Variants in SLC45A4 observed in about 807,000 individuals in gnomAD.
SLC45A4 encodes the protein polyamine-transporter SLC45A4.
A neutral mutation model predicts 63.7 loss-of-function variants in SLC45A4; 32 were observed. The ratio of observed to expected loss-of-function variants is 0.50; its 90% CI spans 0.38 to 0.67. The LOEUF is 0.67. Among genes scored for constraint, SLC45A4 ranks in the 30% least tolerant of loss-of-function variants. SLC45A4 has a pLI of 0.00. For synonymous variants in SLC45A4, 535 were observed against 510.0 expected, an observed-to-expected ratio of 1.05 and a Z score of -0.66; for missense variants, 1,027 against 1,157.7, an observed-to-expected ratio of 0.89 and a Z score of 1.64.
At position 141,278,734 on chromosome 8, in the gene SLC45A4, G is replaced by A. The variant is rs1829828527; in HGVS notation, c.-400-24105C>T. ...AATCAGCTGACCAGAGAGGAAGCTG[G>A]GCTCCTTGCTAACGTCTCAACAAGG... On this transcript the variant is annotated intron_variant, in intron 1 of 8. Coordinates refer to ENST00000517878, the MANE Select transcript of SLC45A4 (RefSeq NM_001286646.2). This position sits in a 1 kb window ranked among gnomAD's most constrained non-coding sequence, Gnocchi z 4.1. Among the ~76,000 whole-genome samples the A allele has an allele frequency of 6.6e-6, 1 of 152,266 alleles. No homozygotes were observed. Among genetic ancestry groups the A allele is most frequent in the South Asian group, 2.1e-4 (1 of 4,836 alleles).
At chr8:141,276,300 T>C (rs1829725278) in intron 1 of SLC45A4, among the ~76,000 whole-genome samples, 1 of 152,238 alleles carries the variant, frequency 6.6e-6, no homozygotes, top group Non-Finnish European at 1.5e-5. Context: ...GTAAGTGATA[T>C]GACATTCAGG....
chr8:141,262,910 C>A (rs1435910022), intron 1 of SLC45A4, among the ~76,000 whole-genome samples: 1 of 151,458 alleles, frequency 6.6e-6, no homozygotes, highest in East Asian at 1.9e-4. Context: ...AAGACACATG[C>A]ACACATATGT....
chr8:141,299,815 C>G (rs1830685281), intron 1 of SLC45A4, among the ~76,000 whole-genome samples: 1 of 152,174 alleles, frequency 6.6e-6, no homozygotes, highest in Non-Finnish European at 1.5e-5. Context: ...TTTTAAGAGA[C>G]TGAAACATTG....
At chr8:141,289,618 C>T (rs1201546504) in intron 1 of SLC45A4, among the ~76,000 whole-genome samples, 6 of 152,162 alleles carry the variant, frequency 3.9e-5, no homozygotes, top group Non-Finnish European at 5.9e-5. Flanking sequence ...CTTCCTACTC[C>T]GGTGGACGCC....
At position 141,218,088 on chromosome 8, in the gene SLC45A4, T is replaced by C. The variant is rs1267874519; in HGVS notation, c.1552A>G (p.Thr518Ala). 6.2e-7 allele frequency: 1 copy of C among 1,612,412 alleles called. No homozygotes were observed. Among genetic ancestry groups the C allele is most frequent in the African/African-American group, 1.3e-5 (1 of 74,848 alleles). The change falls in exon 5 of 9, where the codon ACC becomes GCC. Residue 518 changes from threonine to alanine, a missense_variant. Thr to Ala is a moderately conservative substitution (Grantham distance 58). Coordinates refer to ENST00000517878, the MANE Select transcript of SLC45A4 (RefSeq NM_001286646.2). ...LMRLCLCHLL[T>A]WFSVIAEAVF... ...GCCTCGGCGATGACAGAGAACCAGG[T>C]GAGGAGGTGGCAGAGGCACAGCCGC...
chr8:141,217,635 C>T (rs1003840056), intron 5 of SLC45A4, among the ~76,000 whole-genome samples: 6 of 152,334 alleles, frequency 3.9e-5, no homozygotes, highest in South Asian at 4.1e-4. Flanking sequence ...GTGACCCAGC[C>T]GTTACCACAG....
intron 1 of SLC45A4, among the ~76,000 whole-genome samples, chr8:141,260,833 C>A (rs971101208): frequency 6.6e-6 from 1 of 152,174 alleles, no homozygotes; most frequent in Non-Finnish European, 1.5e-5. Context: ...TGAAACTATT[C>A]CAATCAATAG....
In SLC45A4 at chr8:141,254,772, G is replaced by C. The variant is rs1410732382; in HGVS notation, c.-400-143C>G. 1.5e-6 allele frequency: 1 copy of C among 658,948 alleles called. No homozygotes were observed. The highest frequency in any genetic ancestry group is 1.8e-5 in the African/African-American group (1 of 56,506). 40.8% of individuals were successfully genotyped at this position (658,948 alleles called of 1,614,324 possible). On this transcript the variant is annotated intron_variant, in intron 1 of 8. Coordinates refer to ENST00000517878, the MANE Select transcript of SLC45A4 (RefSeq NM_001286646.2). The surrounding 1 kb of genome is among the most constrained non-coding windows in gnomAD (Gnocchi z 4.5). ...CACAGCTCTCTGCCACTCACTCTGG[G>C]TACGTCTGTGCAAATAACCAAACCT...
At chr8:141,236,353 T>C (rs750096880) in intron 2 of SLC45A4, among the ~76,000 whole-genome samples, 3 of 151,790 alleles carry the variant, frequency 2.0e-5, no homozygotes, top group Non-Finnish European at 4.4e-5. Flanking sequence ...AGTTTTCCAT[T>C]GTGTAACACA....
intron 3 of SLC45A4, among the ~76,000 whole-genome samples, chr8:141,220,451 G>T (rs1826539361): frequency 6.6e-6 from 1 of 152,172 alleles, no homozygotes; most frequent in South Asian, 2.1e-4. Context: ...TGGGCTGCCG[G>T]CACTCAAAAG....
chr8:141,239,594 A>ACACACGCACACG (rs149028516), intron 2 of SLC45A4, among the ~76,000 whole-genome samples: 1 of 151,736 alleles, frequency 6.6e-6, no homozygotes, highest in Non-Finnish European at 1.5e-5. Context: ...ACACACACAC[A>ACACACGCACACG]CACACGCACG....
At chr8:141,217,670 C>T (rs1158208912) in intron 5 of SLC45A4, among the ~76,000 whole-genome samples, 1 of 152,238 alleles carries the variant, frequency 6.6e-6, no homozygotes, top group African/African-American at 2.4e-5. Context: ...ACCAATGAGC[C>T]TGGCATGGTC....
chr8:141,251,665 C>A (rs1307846853), intron 2 of SLC45A4, among the ~76,000 whole-genome samples: 3 of 152,060 alleles, frequency 2.0e-5, no homozygotes, highest in Admixed American at 2.0e-4. Context: ...GGTCCTCTGG[C>A]CTTCTCATGA....
rs1300522654 is a variant in SLC45A4 at position 141,218,097 on chromosome 8, G to A, written c.1543C>T (p.His515Tyr). Residue 515 changes from histidine (H) to tyrosine (Y), a missense_variant, in exon 5 of 9, where the codon CAC (histidine) becomes TAC (tyrosine). Transcript: ENST00000517878. ...PRELMRLCLCHLLTWFSVIAE... is the reference protein window; with the variant it reads ...PRELMRLCLCYLLTWFSVIAE... ...ATGACAGAGAACCAGGTGAGGAGGT[G>A]GCAGAGGCACAGCCGCATCAGCTCC... The A allele has an allele frequency of 1.2e-6, 2 of 1,612,668 alleles. No homozygotes were observed. Among genetic ancestry groups the A allele is most frequent in the Admixed American group, 1.7e-5 (1 of 60,010 alleles).
Position 141,227,399 on chromosome 8 carries a change from C to T in SLC45A4, c.242-5634G>A, listed in dbSNP as rs1827075472. Reference sequence around the variant, plus strand: ...GATCCGCAATGGGAACAGGAACTTGCATTCTTTCTTTCAATGGACAAAGCT... The same window carrying T: ...GATCCGCAATGGGAACAGGAACTTGTATTCTTTCTTTCAATGGACAAAGCT... On this transcript the variant is annotated intron_variant, in intron 2 of 8. Transcript: ENST00000517878. This position sits in a 1 kb window ranked among gnomAD's most constrained non-coding sequence, Gnocchi z 4.4. 6.6e-6 allele frequency among the ~76,000 whole-genome samples: 1 copy of T among 152,212 alleles called. No homozygotes were observed. The highest frequency in any genetic ancestry group is 2.4e-5 in the African/African-American group (1 of 41,452).
At position 141,237,199 on chromosome 8, in the gene SLC45A4, T is replaced by C. The variant is rs561472591; in HGVS notation, c.242-15434A>G. 1.1e-3 allele frequency among the ~76,000 whole-genome samples: 171 copies of C among 152,322 alleles called. 2 individuals carry two copies. The South Asian group carries it at 0.035, about 31-fold the overall frequency. ...TTTACCAGTGCTCATATGCACAATATTGAAAAAAGGCAGAATCGCTCAGGT... is the reference window on the plus strand; with the variant it reads ...TTTACCAGTGCTCATATGCACAATACTGAAAAAAGGCAGAATCGCTCAGGT... On this transcript the variant is annotated intron_variant, in intron 2 of 8. Transcript: ENST00000517878.
At chr8:141,246,875 G>A (rs1306485819) in intron 2 of SLC45A4, among the ~76,000 whole-genome samples, 2 of 152,178 alleles carry the variant, frequency 1.3e-5, no homozygotes, top group Non-Finnish European at 2.9e-5. Flanking sequence ...AGCTACTCAG[G>A]AGGCTGAGGC....
In SLC45A4 at chr8:141,219,746, C is replaced by A; in HGVS notation, c.514G>T (p.Ala172Ser). ...VLGVVVLDFS[A>S]DATEGPIRAY... ...CGGATGGGCCCCTCGGTGGCATCGG[C>A]GCTGAAGTCCAGGACCACCACTCCC... Residue 172 changes from alanine (A) to serine (S), a missense_variant, in exon 4 of 9, where the codon GCC (alanine) becomes TCC (serine). By Grantham distance (99) the Ala-to-Ser change is moderately conservative (BLOSUM62 1). Coordinates refer to ENST00000517878, the MANE Select transcript of SLC45A4 (RefSeq NM_001286646.2). 2 of 1,603,792 alleles carry A rather than the reference C, an allele frequency of 1.2e-6. No homozygotes were observed. Among genetic ancestry groups the A allele is most frequent in the Admixed American group, 1.7e-5 (1 of 58,836 alleles).
intron 8 of SLC45A4, 56 bp downstream of exon 8, chr8:141,212,141 C>CCCCCCCCGGGGGGGGGGGGG: frequency 9.0e-7 from 1 of 1,109,166 alleles, no homozygotes. Flanking sequence ...CCCCGCCGCC[C>CCCCCCCCGGGGGGGGGGGGG]GCCCGCCCGC....
Sources: gnomAD v4.1 joint callset for allele counts (sites outside exome capture counted in the v4.1 genomes callset) on GRCh38, gnomAD v4.1.1 for gene constraint, Gnocchi (gnomAD v3.1) non-coding constraint, MANE v1.5 for transcripts, NCBI Gene and HGNC (gene_info 2026-07-23, HGNC 2026-07-21) for gene names.